LRRFIP1: variants seen among roughly 807,000 people sequenced by gnomAD.
LRRFIP1 encodes LRR binding FLII interacting protein 1.
A neutral mutation model predicts 104.4 loss-of-function variants in LRRFIP1; 62 were observed. The observed-to-expected ratio is 0.59, with a 90% confidence interval of 0.48 to 0.73. The LOEUF is 0.73. Ranked by LOEUF, LRRFIP1 falls within the 30% of genes least tolerant of loss-of-function variation. The pLI is 0.00. For synonymous variants in LRRFIP1, 300 were observed against 299.0 expected, an observed-to-expected ratio of 1.00 and a Z score of -0.03; for missense variants, 796 against 824.5, an observed-to-expected ratio of 0.97 and a Z score of 0.42.
chr2:237,690,120 G>T (rs2092664325), intron 1 of LRRFIP1, among the ~76,000 whole-genome samples: 1 of 152,188 alleles, frequency 6.6e-6, no homozygotes, highest in Non-Finnish European at 1.5e-5. Flanking sequence ...CAGCCTGGGG[G>T]TTAGGAAAAT....
intron 1 of LRRFIP1, among the ~76,000 whole-genome samples, chr2:237,665,544 T>G (rs549294376): frequency 2.0e-5 from 3 of 152,368 alleles, no homozygotes; most frequent in African/African-American, 7.2e-5. Flanking sequence ...TGGGGTTTTA[T>G]TCTGAGTAAC....
chr2:237,750,986 A>C, intron 13 of LRRFIP1, among the ~76,000 whole-genome samples: 1 of 152,328 alleles, frequency 6.6e-6, no homozygotes, highest in East Asian at 1.9e-4. Flanking sequence ...GAGATACACT[A>C]AAATTGTATA....
intron 6 of LRRFIP1, 44 bp downstream of exon 6, chr2:237,720,866 T>G: frequency 2.6e-6 from 4 of 1,568,344 alleles, no homozygotes; most frequent in Non-Finnish European, 3.5e-6. Flanking sequence ...CAGTTTCTGG[T>G]CCAAGCCCTT....
At chr2:237,692,897 G>T (rs1335262351) in intron 1 of LRRFIP1, among the ~76,000 whole-genome samples, 1 of 152,264 alleles carries the variant, frequency 6.6e-6, no homozygotes, top group Non-Finnish European at 1.5e-5. Context: ...CGGGTGGCCA[G>T]AGCCGGTGCC....
intron 11 of LRRFIP1, among the ~76,000 whole-genome samples, chr2:237,739,649 C>T (rs916652774): frequency 2.0e-5 from 3 of 152,172 alleles, no homozygotes; most frequent in Non-Finnish European, 4.4e-5. Context: ...TAAGGTAAAG[C>T]GTGGCCTGTA....
Position 237,735,611 on chromosome 2 carries a change from GGTGAAACC to G in LRRFIP1, c.555+281_555+288del. The G allele has an allele frequency of 5.3e-6, 2 of 376,166 alleles. No individual in the cohort carries two copies. Among genetic ancestry groups the G allele is most frequent in the Non-Finnish European group, 4.8e-6 (1 of 208,670 alleles). The allele number at this position is 376,166 out of a possible 1,614,324, so 23.3% of individuals were successfully genotyped here. ...CAGCACGCCAACCATACTAACAGGT[GGTGAAACC>G]GTCTTCGGTTAATAAAAACGGGAAA... is the stretch of plus-strand genomic sequence containing the variant. On this transcript the variant is annotated intron_variant, in intron 10 of 23. Transcript: ENST00000308482. The surrounding 1 kb of genome is among the most constrained non-coding windows in gnomAD (Gnocchi z 4.6).
At chr2:237,657,410 A>G (rs1424602361) in intron 1 of LRRFIP1, among the ~76,000 whole-genome samples, 1 of 152,180 alleles carries the variant, frequency 6.6e-6, no homozygotes, top group East Asian at 1.9e-4. Flanking sequence ...GAAAACATAG[A>G]GATAGTACAG....
At position 237,656,186 on chromosome 2, in the gene LRRFIP1, TAAAAC is replaced by T. The variant is rs1405106118; in HGVS notation, c.96+28452_96+28456del. ...GCATATATGTATTTAAAAAACTAAA[TAAAAC>T]AAAACCAAGATTGTCTAGGCAAATC... On this transcript the variant is annotated intron_variant, in intron 1 of 23. Transcript: ENST00000308482. 3.9e-5 allele frequency among the ~76,000 whole-genome samples: 6 copies of T among 152,286 alleles called. No homozygotes were observed. The South Asian group carries it at 8.3e-4, about 21-fold the overall frequency.
Position 237,649,530 on chromosome 2 carries a change from CAAA to C in LRRFIP1, c.96+21797_96+21799del, listed in dbSNP as rs925971187. Among the ~76,000 whole-genome samples, 2 of 150,518 alleles carry C rather than the reference CAAA, an allele frequency of 1.3e-5. No individual in the cohort carries two copies. The highest frequency in any genetic ancestry group is 4.9e-5 in the African/African-American group (2 of 41,030). ...TGGGCAACCAAGAGAGATTCTGTCT[CAAA>C]AAAAAAGAACACTGTGGTGTGAGAG... On this transcript the variant is annotated intron_variant, in intron 1 of 23. Coordinates refer to ENST00000308482, the MANE Select transcript of LRRFIP1 (RefSeq NM_001137550.2). The surrounding 1 kb of genome is among the most constrained non-coding windows in gnomAD (Gnocchi z 4.1).
chr2:237,745,089 C>T (rs1031211886), intron 11 of LRRFIP1, among the ~76,000 whole-genome samples: 8 of 152,210 alleles, frequency 5.3e-5, no homozygotes. Context: ...CATCTGATTC[C>T]TTACCTGGCT....
intron 1 of LRRFIP1, among the ~76,000 whole-genome samples, chr2:237,689,781 A>C (rs532246927): frequency 6.6e-6 from 1 of 152,156 alleles, no homozygotes; most frequent in African/African-American, 2.4e-5. Context: ...TCTGGAAAAG[A>C]GGGGACTCCA....
chr2:237,769,677 T>C (rs776158182), intron 19 of LRRFIP1: 14 of 433,736 alleles, frequency 3.2e-5, no homozygotes, highest in Non-Finnish European at 5.9e-5. Context: ...TCTTGCATGC[T>C]AACCTAAGGT....
chr2:237,729,175 C>T (rs949598400), intron 8 of LRRFIP1, among the ~76,000 whole-genome samples: 1 of 152,250 alleles, frequency 6.6e-6, no homozygotes, highest in Non-Finnish European at 1.5e-5. Context: ...GATCTGCGCA[C>T]CTCGGCCTCC....
intron 1 of LRRFIP1, among the ~76,000 whole-genome samples, chr2:237,689,886 G>A (rs1050789031): frequency 6.6e-6 from 1 of 152,184 alleles, no homozygotes; most frequent in Non-Finnish European, 1.5e-5. Flanking sequence ...GTGCCCAGCG[G>A]GATCCCCGTG....
At chr2:237,638,303 C>T (rs768785996) in intron 1 of LRRFIP1, among the ~76,000 whole-genome samples, 23 of 152,262 alleles carry the variant, frequency 1.5e-4, no homozygotes, top group Middle Eastern at 3.4e-3. Flanking sequence ...GCGCAGTTCA[C>T]AATAGGTTTC....
At chr2:237,699,623 A>G (rs2093398124) in intron 1 of LRRFIP1, among the ~76,000 whole-genome samples, 1 of 152,322 alleles carries the variant, frequency 6.6e-6, no homozygotes, top group East Asian at 1.9e-4. Context: ...AAGTGCTGGG[A>G]TTACAGGCGT....
At chr2:237,666,946 T>C (rs202213611) in intron 1 of LRRFIP1, among the ~76,000 whole-genome samples, 78 of 124,208 alleles carry the variant, frequency 6.3e-4, no homozygotes, top group African/African-American at 2.1e-3. Context: ...CTTTCTTTCT[T>C]TTTCTTTCTT....
At chr2:237,668,742 T>C (rs2089907043) in intron 1 of LRRFIP1, among the ~76,000 whole-genome samples, 1 of 152,216 alleles carries the variant, frequency 6.6e-6, no homozygotes, top group Non-Finnish European at 1.5e-5. Flanking sequence ...AAGAAGTCTT[T>C]CTGTTGAATA....
intron 1 of LRRFIP1, among the ~76,000 whole-genome samples, chr2:237,676,257 A>G (rs916406153): frequency 3.3e-5 from 5 of 152,220 alleles, no homozygotes; most frequent in South Asian, 2.1e-4. Context: ...TTCCAATAAA[A>G]GTTCAAGGTA....
Sources: allele counts gnomAD v4.1 joint callset (sites outside exome capture counted in the v4.1 genomes callset), GRCh38; gene constraint gnomAD v4.1.1; non-coding constraint Gnocchi (gnomAD v3.1); transcripts MANE v1.5; gene names NCBI Gene and HGNC (gene_info 2026-07-23, HGNC 2026-07-21).